Variants in NTM observed in about 807,000 individuals in gnomAD.
The protein encoded by NTM is neurotrimin, also known as IgLON family member 2.
A neutral mutation model predicts 42.1 loss-of-function variants in NTM; 13 were observed. That is an observed-to-expected ratio of 0.31 (90% CI 0.20 to 0.49). NTM has a LOEUF of 0.49. NTM is among the 20% of genes least tolerant of loss of function. The pLI is 0.99. For synonymous variants in NTM, 187 were observed against 179.2 expected (o/e 1.04, Z -0.35); for missense variants, 373 against 452.8 (o/e 0.82, Z 1.60).
intron 1 of NTM, among the ~76,000 whole-genome samples, chr11:131,503,369 C>T (rs1565572978): frequency 6.6e-6 from 1 of 152,008 alleles, no homozygotes; most frequent in African/African-American, 2.4e-5. Context: ...TTGCAGTTTC[C>T]ATCTGATTGT....
intron 2 of NTM, among the ~76,000 whole-genome samples, chr11:132,006,742 A>G (rs1201071084): frequency 6.6e-6 from 1 of 152,206 alleles, no homozygotes; most frequent in Non-Finnish European, 1.5e-5. Flanking sequence ...CAGGTCAAAC[A>G]GAACTATTGT....
intron 1 of NTM, among the ~76,000 whole-genome samples, chr11:131,584,257 G>C (rs1455685384): frequency 2.6e-5 from 4 of 152,222 alleles, no homozygotes; most frequent in African/African-American, 9.6e-5. Flanking sequence ...AATAATTGCA[G>C]TGTGAAAAGT....
intron 2 of NTM, among the ~76,000 whole-genome samples, chr11:132,052,785 G>A (rs182173137): frequency 6.6e-6 from 1 of 151,922 alleles, no homozygotes; most frequent in Admixed American, 6.6e-5. Context: ...GTGTGTGTGT[G>A]TGTGTGTGTG....
At chr11:131,997,022 C>T (rs1300198402) in intron 2 of NTM, among the ~76,000 whole-genome samples, 1 of 152,244 alleles carries the variant, frequency 6.6e-6, no homozygotes, top group Non-Finnish European at 1.5e-5. Flanking sequence ...ACTTTATGAA[C>T]ATGGTCAGCT....
intron 1 of NTM, among the ~76,000 whole-genome samples, chr11:131,727,472 G>A (rs574095026): frequency 6.6e-6 from 1 of 152,286 alleles, no homozygotes; most frequent in East Asian, 1.9e-4. Context: ...GAACTTGTGA[G>A]AGCCGCTTCC....
chr11:131,865,646 T>C (rs1031393764), intron 1 of NTM, among the ~76,000 whole-genome samples: 1 of 152,134 alleles, frequency 6.6e-6, no homozygotes, highest in Non-Finnish European at 1.5e-5. Flanking sequence ...TGCTCACAGG[T>C]GCACACACAC....
intron 2 of NTM, among the ~76,000 whole-genome samples, chr11:131,967,545 A>G (rs2062991993): frequency 6.6e-6 from 1 of 152,156 alleles, no homozygotes; most frequent in African/African-American, 2.4e-5. Context: ...AGCCAGGACC[A>G]TTTTAATGGG....
intron 1 of NTM, among the ~76,000 whole-genome samples, chr11:131,387,205 A>G (rs1417242525): frequency 1.3e-5 from 2 of 152,158 alleles, no homozygotes; most frequent in Admixed American, 1.3e-4. Context: ...ATATTGCAAA[A>G]TTAAAAGCCA....
chr11:131,588,230 C>A (rs999508696), intron 1 of NTM, among the ~76,000 whole-genome samples: 3 of 152,242 alleles, frequency 2.0e-5, no homozygotes, highest in Non-Finnish European at 4.4e-5. Context: ...GTTTTGGTCC[C>A]TTGCCAAGCA....
chr11:131,939,149 G>A (rs997974919), intron 2 of NTM, among the ~76,000 whole-genome samples: 5 of 152,128 alleles, frequency 3.3e-5, no homozygotes, highest in Admixed American at 2.6e-4. Flanking sequence ...GAGAATGGCG[G>A]ATCGGAGTCC....
At chr11:131,839,187 C>T (rs938864179) in intron 1 of NTM, among the ~76,000 whole-genome samples, 1 of 152,100 alleles carries the variant, frequency 6.6e-6, no homozygotes, top group Non-Finnish European at 1.5e-5. Context: ...GTCTCGAACT[C>T]CTGACCTCAG....
In NTM at chr11:132,002,434, G is replaced by A. The variant is rs2069514183; in HGVS notation, c.167+90786G>A. ...GGGAAATTTTGGTTGAATAGGATAA[G>A]AATGAGAATTTTGAGTGTCAGTGAT... On this transcript the variant is annotated intron_variant, in intron 2 of 8. Transcript: ENST00000683400. The surrounding 1 kb of genome is among the most constrained non-coding windows in gnomAD (Gnocchi z 4.5). Among the ~76,000 whole-genome samples, 2 of 152,162 alleles carry A rather than the reference G, an allele frequency of 1.3e-5. No homozygotes were observed. The highest frequency in any genetic ancestry group is 4.1e-4 in the South Asian group (2 of 4,830).
At chr11:132,125,568 G>A (rs1358908652) in intron 2 of NTM, among the ~76,000 whole-genome samples, 2 of 141,140 alleles carry the variant, frequency 1.4e-5, no homozygotes, top group Non-Finnish European at 3.1e-5. Flanking sequence ...GTGTGGTGGG[G>A]TATGAATGTG....
At chr11:132,128,824 G>A (rs940321686) in intron 2 of NTM, among the ~76,000 whole-genome samples, 7 of 151,464 alleles carry the variant, frequency 4.6e-5, no homozygotes, top group South Asian at 2.1e-4. Flanking sequence ...TGTAGTCCCC[G>A]CTACTCAGGA....
intron 2 of NTM, among the ~76,000 whole-genome samples, chr11:132,035,250 G>A (rs1044545231): frequency 6.6e-6 from 1 of 152,090 alleles, no homozygotes; most frequent in African/African-American, 2.4e-5. Flanking sequence ...AGCTCTTGTT[G>A]TCTGTACCAG....
intron 1 of NTM, among the ~76,000 whole-genome samples, chr11:131,677,955 T>A (rs1160248450): frequency 1.3e-5 from 2 of 152,218 alleles, no homozygotes; most frequent in Non-Finnish European, 1.5e-5. Context: ...TCAGCTCTCC[T>A]GAAGCAGGAC....
chr11:131,841,105 C>G (rs935888154), intron 1 of NTM, among the ~76,000 whole-genome samples: 3 of 152,194 alleles, frequency 2.0e-5, no homozygotes, highest in Non-Finnish European at 4.4e-5. Flanking sequence ...AGGTCATGCA[C>G]TGTTCTTGGC....
intron 4 of NTM, among the ~76,000 whole-genome samples, chr11:132,296,696 G>A (rs563950562): frequency 6.6e-6 from 1 of 152,296 alleles, no homozygotes; most frequent in South Asian, 2.1e-4. Flanking sequence ...TTTATGTGAA[G>A]TGAAGTAGAA....
At chr11:131,483,756 G>A (rs900870146) in intron 1 of NTM, among the ~76,000 whole-genome samples, 1 of 152,222 alleles carries the variant, frequency 6.6e-6, no homozygotes, top group African/African-American at 2.4e-5. Flanking sequence ...GCTGGCCTCT[G>A]CCCCTGCCTA....
Sources: gnomAD v4.1 joint callset for allele counts (sites outside exome capture counted in the v4.1 genomes callset) on GRCh38, gnomAD v4.1.1 for gene constraint, Gnocchi (gnomAD v3.1) non-coding constraint, MANE v1.5 for transcripts, NCBI Gene and HGNC (gene_info 2026-07-23, HGNC 2026-07-21) for gene names.